The following DLG2 variants were observed in gnomAD, a reference collection of about 807,000 sequenced individuals.
DLG2 encodes disks large homolog 2.
Under a neutral mutation model 132.5 loss-of-function variants are expected in DLG2, and 45 were observed. The ratio of observed to expected loss-of-function variants is 0.34; its 90% CI spans 0.27 to 0.44. The LOEUF is 0.44. Ranked by LOEUF, DLG2 falls within the 20% of genes least tolerant of loss-of-function variation. DLG2 has a pLI of 1.00. For synonymous variants in DLG2, 424 were observed against 419.6 expected (o/e 1.01, Z -0.13); for missense variants, 1,045 against 1,196.9 (o/e 0.87, Z 1.87).
At chr11:85,341,819 G>T (rs769259100) in intron 3 of DLG2, among the ~76,000 whole-genome samples, 1 of 152,116 alleles carries the variant, frequency 6.6e-6, no homozygotes, top group Non-Finnish European at 1.5e-5. Context: ...TACACTATAT[G>T]GTGTAGCTTA....
intron 12 of DLG2, among the ~76,000 whole-genome samples, chr11:83,977,900 A>T (rs188348158): frequency 4.6e-5 from 7 of 152,234 alleles, no homozygotes; most frequent in Non-Finnish European, 1.0e-4. Flanking sequence ...ACGGGGAAGA[A>T]TCTGTGTGCC....
intron 8 of DLG2, among the ~76,000 whole-genome samples, chr11:84,199,131 G>T (rs1181945694): frequency 6.6e-6 from 1 of 152,096 alleles, no homozygotes; most frequent in African/African-American, 2.4e-5. Context: ...AAGCAACAAA[G>T]AATGTATGTA....
At chr11:85,485,812 T>A (rs2093416836) in intron 3 of DLG2, among the ~76,000 whole-genome samples, 1 of 152,072 alleles carries the variant, frequency 6.6e-6, no homozygotes, top group African/African-American at 2.4e-5. Flanking sequence ...GTCCCACAGG[T>A]ATCTGAGCCC....
At chr11:84,882,629 T>C (rs1362202668) in intron 6 of DLG2, among the ~76,000 whole-genome samples, 1 of 152,088 alleles carries the variant, frequency 6.6e-6, no homozygotes, top group Admixed American at 6.6e-5. Flanking sequence ...AGATTGGACT[T>C]TGGAATCTGC....
intron 3 of DLG2, among the ~76,000 whole-genome samples, chr11:85,449,779 A>C (rs1291339680): frequency 8.7e-6 from 1 of 114,558 alleles, no homozygotes; most frequent in Non-Finnish European, 1.7e-5. Context: ...TTCGAATTGG[A>C]ACTACCTAAA....
intron 19 of DLG2, among the ~76,000 whole-genome samples, chr11:83,550,816 C>G (rs2142030907): frequency 6.6e-6 from 1 of 152,278 alleles, no homozygotes; most frequent in South Asian, 2.1e-4. Context: ...GAAGCTGACA[C>G]AGCCCTGATT....
chr11:85,578,855 A>G (rs918684109), intron 3 of DLG2, among the ~76,000 whole-genome samples: 2 of 152,222 alleles, frequency 1.3e-5, no homozygotes, highest in East Asian at 1.9e-4. Flanking sequence ...CAGAAATACC[A>G]TTTGACGTAG....
intron 6 of DLG2, among the ~76,000 whole-genome samples, chr11:84,716,056 T>C (rs1272193777): frequency 6.6e-6 from 1 of 152,086 alleles, no homozygotes; most frequent in Non-Finnish European, 1.5e-5. Flanking sequence ...CTTTTCTCCA[T>C]ACCCTTGACA....
chr11:83,747,732 T>C (rs1322510210), intron 18 of DLG2, among the ~76,000 whole-genome samples: 2 of 151,986 alleles, frequency 1.3e-5, no homozygotes, highest in African/African-American at 4.8e-5. Context: ...GTTTTTATGG[T>C]TGTATTAGTG....
chr11:84,751,125 C>T (rs1314226911), intron 6 of DLG2, among the ~76,000 whole-genome samples: 2 of 151,980 alleles, frequency 1.3e-5, no homozygotes, highest in African/African-American at 2.4e-5. Flanking sequence ...AATACATGTT[C>T]GACTCTTATA....
chr11:85,028,903 C>A (rs766489838), intron 6 of DLG2, among the ~76,000 whole-genome samples: 1 of 152,204 alleles, frequency 6.6e-6, no homozygotes, highest in African/African-American at 2.4e-5. Flanking sequence ...GTGGAGCGCG[C>A]AGCCCCAGCT....
At chr11:84,001,039 T>C (rs1200213022) in intron 11 of DLG2, among the ~76,000 whole-genome samples, 1 of 151,724 alleles carries the variant, frequency 6.6e-6, no homozygotes, top group Non-Finnish European at 1.5e-5. Context: ...ACAAAGAACA[T>C]ACAGAACAAC....
chr11:84,651,325 G>A (rs529799029), intron 6 of DLG2, among the ~76,000 whole-genome samples: 14 of 151,958 alleles, frequency 9.2e-5, no homozygotes, highest in African/African-American at 2.7e-4. Context: ...ACTCCATATC[G>A]TCTTAGAAAA....
intron 3 of DLG2, among the ~76,000 whole-genome samples, chr11:85,312,908 T>C (rs578232121): frequency 6.6e-6 from 1 of 151,942 alleles, no homozygotes; most frequent in South Asian, 2.1e-4. Context: ...CCTCAACTTA[T>C]TTAGAATTAA....
At chr11:84,201,177 C>A (rs891063400) in intron 8 of DLG2, among the ~76,000 whole-genome samples, 3 of 152,010 alleles carry the variant, frequency 2.0e-5, no homozygotes, top group Non-Finnish European at 4.4e-5. Flanking sequence ...TTTTATCAAA[C>A]ACTTTTCCAC....
At chr11:83,969,852 C>T (rs769310950) in intron 12 of DLG2, among the ~76,000 whole-genome samples, 11 of 151,918 alleles carry the variant, frequency 7.2e-5, no homozygotes, top group Non-Finnish European at 1.3e-4. Context: ...GGATTACAGG[C>T]GTGAGCCACC....
At chr11:84,731,110 C>G (rs537510444) in intron 6 of DLG2, among the ~76,000 whole-genome samples, 1 of 152,148 alleles carries the variant, frequency 6.6e-6, no homozygotes, top group Non-Finnish European at 1.5e-5. Flanking sequence ...AATGCTGGTG[C>G]TTTCTTCCTT....
intron 19 of DLG2, among the ~76,000 whole-genome samples, chr11:83,569,841 G>A (rs2096768434): frequency 6.6e-6 from 1 of 152,254 alleles, no homozygotes; most frequent in Non-Finnish European, 1.5e-5. Context: ...CAGCAAGCCA[G>A]TCAGAAAAAT....
intron 10 of DLG2, among the ~76,000 whole-genome samples, chr11:84,089,223 A>G (rs976780143): frequency 1.3e-5 from 2 of 152,176 alleles, no homozygotes; most frequent in South Asian, 2.1e-4. Context: ...TAAGTGTCAG[A>G]CTGTGATGCC....
Sources: gnomAD v4.1 joint callset for allele counts (sites outside exome capture counted in the v4.1 genomes callset) on GRCh38, gnomAD v4.1.1 for gene constraint, MANE v1.5 for transcripts, NCBI Gene and HGNC (gene_info 2026-07-23, HGNC 2026-07-21) for gene names.